CHRM3: variants seen among roughly 807,000 people sequenced by gnomAD.
CHRM3 encodes the protein cholinergic receptor muscarinic 3, also known as muscarinic acetylcholine receptor M3.
CHRM3 carries 11 observed loss-of-function variants against 41.8 expected under a neutral mutation model. The observed-to-expected ratio is 0.26, with a 90% CI of 0.17 to 0.44. The LOEUF is 0.44. Ranked by LOEUF, CHRM3 falls within the 20% of genes least tolerant of loss-of-function variation. The probability of loss-of-function intolerance (pLI) is 1.00; values close to 1 mark genes in which losing one functional copy is unlikely to be tolerated. For synonymous variants in CHRM3, 297 were observed against 301.4 expected (o/e 0.99, Z 0.15); for missense variants, 571 against 745.4 (o/e 0.77, Z 2.72).
chr1:239,659,096 T>C (rs1301339829), intron 4 of CHRM3, among the ~76,000 whole-genome samples: 1 of 152,168 alleles, frequency 6.6e-6, no homozygotes, highest in Non-Finnish European at 1.5e-5. Context: ...TTTAACTTCT[T>C]CATTCTCAGT....
chr1:239,738,886 G>T (rs1664610975), intron 5 of CHRM3, among the ~76,000 whole-genome samples: 2 of 152,160 alleles, frequency 1.3e-5, no homozygotes, highest in African/African-American at 4.8e-5. Context: ...TTTCATTTAA[G>T]GTTTGTTTTT....
chr1:239,525,883 G>A (rs1272171607), intron 2 of CHRM3, among the ~76,000 whole-genome samples: 1 of 152,150 alleles, frequency 6.6e-6, no homozygotes, highest in African/African-American at 2.4e-5. Flanking sequence ...GTCAATTCAA[G>A]AACTTTAAGA....
intron 5 of CHRM3, among the ~76,000 whole-genome samples, chr1:239,826,290 T>G (rs6698105): frequency 0.26 from 39,134 of 152,082 alleles, 5,221 homozygotes; most frequent in Admixed American, 0.3. Context: ...GTAAGGAAAT[T>G]AAGAGATGCT....
At chr1:239,537,490 CA>C (rs1658318886) in intron 2 of CHRM3, among the ~76,000 whole-genome samples, 1 of 152,032 alleles carries the variant, frequency 6.6e-6, no homozygotes, top group Non-Finnish European at 1.5e-5. Context: ...CCCCATGAAC[CA>C]AACTTCTCCC....
At chr1:239,548,196 G>T (rs1379616686) in intron 3 of CHRM3, among the ~76,000 whole-genome samples, 1 of 152,138 alleles carries the variant, frequency 6.6e-6, no homozygotes, top group African/African-American at 2.4e-5. Flanking sequence ...TTTTCCAAAT[G>T]AGTCATAATT....
chr1:239,837,206 T>C (rs1239751524), intron 6 of CHRM3, among the ~76,000 whole-genome samples: 3 of 152,088 alleles, frequency 2.0e-5, no homozygotes, highest in Non-Finnish European at 4.4e-5. Flanking sequence ...ACGTCTTACT[T>C]TTCTTTCATT....
intron 2 of CHRM3, among the ~76,000 whole-genome samples, chr1:239,536,366 T>C (rs551102348): frequency 3.2e-4 from 48 of 152,324 alleles, no homozygotes; most frequent in African/African-American, 1.1e-3. Context: ...GCAAACAATC[T>C]CTATGGAGAT....
At chr1:239,569,754 T>C (rs924082713) in intron 3 of CHRM3, among the ~76,000 whole-genome samples, 1 of 152,162 alleles carries the variant, frequency 6.6e-6, no homozygotes, top group Non-Finnish European at 1.5e-5. Context: ...CTGAATTGGA[T>C]GGCAAAGCTG....
chr1:239,620,792 T>C (rs1196230283), intron 3 of CHRM3, among the ~76,000 whole-genome samples: 1 of 152,056 alleles, frequency 6.6e-6, no homozygotes, highest in Non-Finnish European at 1.5e-5. Flanking sequence ...CTGAGGTGGA[T>C]TCACTCTCTC....
At chr1:239,482,828 A>C (rs1181232016) in intron 1 of CHRM3, among the ~76,000 whole-genome samples, 1 of 152,234 alleles carries the variant, frequency 6.6e-6, no homozygotes, top group African/African-American at 2.4e-5. Flanking sequence ...CAAATGATTG[A>C]ATGAATAATA....
At chr1:239,730,347 G>A (rs1419778920) in intron 5 of CHRM3, 1 of 151,976 alleles carries the variant, frequency 6.6e-6, no homozygotes, top group South Asian at 2.1e-4. Context: ...CAAAGACACA[G>A]ACTCCATCCC....
chr1:239,754,331 C>A (rs926526508), intron 5 of CHRM3, among the ~76,000 whole-genome samples: 14 of 152,186 alleles, frequency 9.2e-5, no homozygotes, highest in African/African-American at 3.1e-4. Context: ...GTTATCAGTG[C>A]TAGCTTTATT....
intron 3 of CHRM3, among the ~76,000 whole-genome samples, chr1:239,568,362 G>A (rs1352828296): frequency 6.6e-6 from 1 of 152,134 alleles, no homozygotes; most frequent in Non-Finnish European, 1.5e-5. Context: ...CACGAGATCT[G>A]ATTGTTTTAT....
In CHRM3 at chr1:239,684,748, G is replaced by GAGAAAGAAAGAAAGAAAGAAAGAA. The variant is rs372555411; in HGVS notation, c.-147+6483_-147+6484insAAGAAAGAAAGAAAGAAAGAAAGA. Among the ~76,000 whole-genome samples the GAGAAAGAAAGAAAGAAAGAAAGAA allele has an allele frequency of 9.6e-4, 103 of 107,806 alleles. 1 individual carries two copies. The highest frequency in any genetic ancestry group is 3.2e-3 in the African/African-American group (94 of 29,060). The allele number at this position is 107,806 out of a possible 152,430, so 70.7% of individuals were successfully genotyped here. ...AAAGGAAAGGAAAGAGAGAAAGAAA[G>GAGAAAGAAAGAAAGAAAGAAAGAA]AGAAAGAAAGAAAGAAAGAAAGAGA... On this transcript the variant is annotated intron_variant, in intron 5 of 6. Transcript: ENST00000676153.
chr1:239,624,796 G>T (rs1376626942), intron 3 of CHRM3, among the ~76,000 whole-genome samples: 1 of 46,318 alleles, frequency 2.2e-5, no homozygotes, highest in Non-Finnish European at 4.1e-5. Context: ...GTTTGTCAAA[G>T]ATCAGATAGT....
intron 3 of CHRM3, among the ~76,000 whole-genome samples, chr1:239,577,665 T>C (rs1218889243): frequency 1.3e-5 from 2 of 152,220 alleles, no homozygotes; most frequent in Non-Finnish European, 2.9e-5. Flanking sequence ...TCATTTCGCA[T>C]TGGTACCTGT....
In CHRM3 at chr1:239,912,282, C is replaced by G. The variant is rs1680408535; in HGVS notation, c.*3058C>G. On this transcript the variant is annotated 3_prime_UTR_variant, in exon 7 of 7. Coordinates refer to ENST00000676153, the MANE Select transcript of CHRM3 (RefSeq NM_001375978.1). ...CTCTGGTCCCCTAGATCCCTCGGCTCTGCTCTCCTTTGCCCATCAGCTCCC... is the reference window on the plus strand; with the variant it reads ...CTCTGGTCCCCTAGATCCCTCGGCTGTGCTCTCCTTTGCCCATCAGCTCCC... The G allele has an allele frequency of 1.2e-5, 2 of 167,232 alleles. No homozygotes were observed. Among genetic ancestry groups the G allele is most frequent in the South Asian group, 2.1e-4 (1 of 4,836 alleles). 10.4% of individuals were successfully genotyped at this position (167,232 alleles called of 1,614,324 possible).
At chr1:239,787,569 T>C (rs1669007109) in intron 5 of CHRM3, among the ~76,000 whole-genome samples, 1 of 152,046 alleles carries the variant, frequency 6.6e-6, no homozygotes, top group African/African-American at 2.4e-5. Context: ...GACTCGGCAA[T>C]TCAAAGGTCC....
At chr1:239,500,644 G>T (rs533195736) in intron 2 of CHRM3, among the ~76,000 whole-genome samples, 1 of 147,636 alleles carries the variant, frequency 6.8e-6, no homozygotes, top group Admixed American at 6.8e-5. Flanking sequence ...ATTAAATCCC[G>T]AAAAAAAAGC....
Sources: allele counts gnomAD v4.1 joint callset (sites outside exome capture counted in the v4.1 genomes callset), GRCh38; gene constraint gnomAD v4.1.1; transcripts MANE v1.5; gene names NCBI Gene and HGNC (gene_info 2026-07-23, HGNC 2026-07-21).